Variants in PABPC4 observed in about 807,000 individuals in gnomAD.
The protein encoded by PABPC4 is poly(A) binding protein cytoplasmic 4.
A neutral mutation model predicts 74.5 loss-of-function variants in PABPC4; 15 were observed. That is an observed-to-expected ratio of 0.20 (90% CI 0.13 to 0.31). The LOEUF is 0.31. Among genes scored for constraint, PABPC4 ranks in the 10% least tolerant of loss-of-function variants. PABPC4 has a pLI of 1.00. For missense variants in PABPC4, 610 were observed against 853.5 expected, an observed-to-expected ratio of 0.71 and a Z score of 3.55; for synonymous variants, 345 against 303.0, an observed-to-expected ratio of 1.14 and a Z score of -1.44.
chr1:39,574,120 A>T (rs1412179396), intron 1 of PABPC4, among the ~76,000 whole-genome samples: 1 of 152,076 alleles, frequency 6.6e-6, no homozygotes, highest in Non-Finnish European at 1.5e-5. Context: ...GGGAGAATTT[A>T]TTTTCACTCA....
chr1:39,570,813 A>G (rs1428262394), intron 3 of PABPC4, among the ~76,000 whole-genome samples: 1 of 152,232 alleles, frequency 6.6e-6, no homozygotes, highest in African/African-American at 2.4e-5. Context: ...GGCATCAACC[A>G]CTAGCGAGGG....
At chr1:39,562,906 T>C (rs1172058481) in intron 12 of PABPC4, 1 of 153,670 alleles carries the variant, frequency 6.5e-6, no homozygotes, top group Non-Finnish European at 1.4e-5. Flanking sequence ...TGTTTTTGTA[T>C]CAAATGCTTA....
chr1:39,564,684 A>AC lies in PABPC4; in HGVS notation c.1333+1dup. ...TGTCAATTACTGTTCCCCACCACCT[A>AC]CCTTGAGGTCTCCCACCTTGCTGCC... On this transcript the variant is annotated splice_donor_variant, in intron 9 of 15. Transcript: ENST00000372858. LOFTEE classifies it high-confidence loss of function. The AC allele has an allele frequency of 6.2e-7, 1 of 1,613,690 alleles. No individual in the cohort carries two copies. Among genetic ancestry groups the AC allele is most frequent in the Non-Finnish European group, 8.5e-7 (1 of 1,179,684 alleles).
chr1:39,570,616 T>C (rs1331000552), intron 3 of PABPC4: 3 of 155,014 alleles, frequency 1.9e-5, no homozygotes, highest in Non-Finnish European at 4.3e-5. Context: ...TCTCCCCATA[T>C]GGCTTTGGTA....
intron 7 of PABPC4, among the ~76,000 whole-genome samples, chr1:39,566,791 A>G (rs1441831042): frequency 6.6e-6 from 1 of 151,836 alleles, no homozygotes; most frequent in South Asian, 2.1e-4. Context: ...CAAGGATAGA[A>G]GATCACTCCT....
chr1:39,564,563 A>C, intron 9 of PABPC4, 21 bp from the exon 10 acceptor site: 1 of 1,613,896 alleles, frequency 6.2e-7, no homozygotes, highest in Non-Finnish European at 8.5e-7. Flanking sequence ...GAAAAATTGC[A>C]CATCATTGAG....
chr1:39,564,077 C>T, intron 10 of PABPC4, 155 bp from the exon 11 acceptor site: 1 of 653,394 alleles, frequency 1.5e-6, no homozygotes, highest in Non-Finnish European at 2.7e-6. Flanking sequence ...ACATACAACT[C>T]TTTCCACATC....
intron 3 of PABPC4, 118 bp downstream of exon 3, chr1:39,571,116 T>C: frequency 6.4e-7 from 1 of 1,565,798 alleles, no homozygotes. Context: ...AGTGGAGAGG[T>C]AGGAGCAGGC....
At chr1:39,569,050 A>C in intron 5 of PABPC4, 111 bp from the exon 6 acceptor site, 2 of 1,120,114 alleles carry the variant, frequency 1.8e-6, no homozygotes, top group Non-Finnish European at 2.5e-6. Context: ...AACTAAATTC[A>C]CTCCACCTCT....
intron 3 of PABPC4, 78 bp from the exon 4 acceptor site, chr1:39,570,080 T>C: frequency 7.0e-7 from 1 of 1,419,694 alleles, no homozygotes; most frequent in Non-Finnish European, 9.7e-7. Flanking sequence ...GAATACAGGT[T>C]AAAGACTGAC....
Position 39,576,038 on chromosome 1 carries a change from G to T in PABPC4, c.-87C>A. On this transcript the variant is annotated 5_prime_UTR_variant, in exon 1 of 16. Coordinates refer to ENST00000372858, the MANE Select transcript of PABPC4 (RefSeq NM_001135653.2). ...ACAAAGGGGCGCCTTCGGAGCCCGG[G>T]CCCGCGCCGCGGCTCACAGGTGGCA... is the stretch of plus-strand genomic sequence containing the variant. The T allele has an allele frequency of 1.0e-6, 1 of 973,114 alleles. No homozygotes were observed. The highest frequency in any genetic ancestry group is 1.9e-5 in the South Asian group (1 of 52,446). 60.3% of individuals were successfully genotyped at this position (973,114 alleles called of 1,614,324 possible). A position where few individuals can be genotyped will look rare whatever the true frequency, so the allele number is the denominator to read the frequency against.
Position 39,576,643 on chromosome 1 carries a change from G to A in PABPC4, c.-692C>T, listed in dbSNP as rs941586221. 6.0e-5 allele frequency: 9 copies of A among 149,526 alleles called. No homozygotes were observed. The highest frequency in any genetic ancestry group is 1.9e-4 in the African/African-American group (8 of 41,252). 9.3% of individuals were successfully genotyped at this position (149,526 alleles called of 1,614,324 possible). On this transcript the variant is annotated 5_prime_UTR_variant, in exon 1 of 16. Transcript: ENST00000372858. ...AAGCGTACGAAAGTGACTTCCCCGC[G>A]GGTTCTCCGAGGATTCGTTTTTTCT...
rs758221901 is a variant in PABPC4 at position 39,575,972 on chromosome 1, C to T, written c.-21G>A. ...TTCATCTCCCCGCCCCCCACCACCC[C>T]GAGCCCCGCCAGGAGGACTTCTTAT... On this transcript the variant is annotated 5_prime_UTR_variant, in exon 1 of 16. Coordinates refer to ENST00000372858, the MANE Select transcript of PABPC4 (RefSeq NM_001135653.2). 75 of 1,469,664 alleles carry T rather than the reference C, an allele frequency of 5.1e-5. No individual in the cohort carries two copies. The highest frequency in any genetic ancestry group is 4.8e-4 in the Middle Eastern group (2 of 4,134). 91.0% of individuals were successfully genotyped at this position (1,469,664 alleles called of 1,614,324 possible). A position where few individuals can be genotyped will look rare whatever the true frequency, so the allele number is the denominator to read the frequency against.
rs763903082 is a variant in PABPC4 at position 39,561,690 on chromosome 1, T to C, written c.*8A>G. The C allele has an allele frequency of 1.6e-5, 25 of 1,609,322 alleles. No homozygotes were observed. In the African/African-American group the frequency reaches 3.1e-4, roughly 20 times the overall value. On this transcript the variant is annotated 3_prime_UTR_variant, in exon 15 of 16. Transcript: ENST00000372858. Reference sequence around the variant, plus strand: ...ATGAAAATAGCCACACATACGGTTTTTCCTTGTCTAAGAGGTAGCAGCAGC... The same window carrying C: ...ATGAAAATAGCCACACATACGGTTTCTCCTTGTCTAAGAGGTAGCAGCAGC...
At chr1:39,572,684 C>T in intron 1 of PABPC4, 98 bp from the exon 2 acceptor site, 2 of 878,176 alleles carry the variant, frequency 2.3e-6, no homozygotes, top group Non-Finnish European at 3.5e-6. Flanking sequence ...TCAAGGTAAT[C>T]ACTCTTGATA....
At chr1:39,575,642 G>T in intron 1 of PABPC4, 117 bp downstream of exon 1, 1 of 783,344 alleles carries the variant, frequency 1.3e-6, no homozygotes, top group Non-Finnish European at 1.9e-6. Flanking sequence ...CCTGCTCCCA[G>T]CTTCGGTGGC....
In PABPC4 at chr1:39,576,027, T is replaced by C. The variant is rs999232040; in HGVS notation, c.-76A>G. On this transcript the variant is annotated 5_prime_UTR_variant, in exon 1 of 16. Coordinates refer to ENST00000372858, the MANE Select transcript of PABPC4 (RefSeq NM_001135653.2). ...CCCGCCGCAGGACAAAGGGGCGCCT[T>C]CGGAGCCCGGGCCCGCGCCGCGGCT... The C allele has an allele frequency of 2.9e-6, 3 of 1,020,004 alleles. No individual in the cohort carries two copies. The highest frequency in any genetic ancestry group is 2.0e-5 in the South Asian group (1 of 51,226). The allele number at this position is 1,020,004 out of a possible 1,614,324, so 63.2% of individuals were successfully genotyped here.
At position 39,565,395 on chromosome 1, in the gene PABPC4, G is replaced by A. The variant is rs1005615867; in HGVS notation, c.973-17C>T. 5 of 1,599,936 alleles carry A rather than the reference G, an allele frequency of 3.1e-6. No individual in the cohort carries two copies. Among genetic ancestry groups the A allele is most frequent in the Non-Finnish European group, 3.4e-6 (4 of 1,171,782 alleles). ...CAGCATTACCTACAAAATGAGACCA[G>A]CTACTTAAGAAATAAGGTGTCCCTG... is the stretch of plus-strand genomic sequence containing the variant. On this transcript the variant is annotated splice_polypyrimidine_tract_variant and intron_variant, in intron 7 of 15. Transcript: ENST00000372858.
At chr1:39,565,495 A>T in intron 7 of PABPC4, 117 bp from the exon 8 acceptor site, 5 of 1,034,438 alleles carry the variant, frequency 4.8e-6, no homozygotes, top group Non-Finnish European at 7.1e-6. Flanking sequence ...TGAGCTCAGG[A>T]GGTTGAGACC....
Sources: allele counts gnomAD v4.1 joint callset (sites outside exome capture counted in the v4.1 genomes callset), GRCh38; gene constraint gnomAD v4.1.1; transcripts MANE v1.5; gene names NCBI Gene and HGNC (gene_info 2026-07-23, HGNC 2026-07-21).